ROBO2: variants seen among roughly 807,000 people sequenced by gnomAD.
ROBO2 encodes the protein roundabout guidance receptor 2.
Under a neutral mutation model 160.8 loss-of-function variants are expected in ROBO2, and 53 were observed. The ratio of observed to expected loss-of-function variants is 0.33; its 90% CI spans 0.26 to 0.41. The LOEUF (loss-of-function observed/expected upper bound fraction) is 0.41, where lower values mean the gene tolerates loss of function less well. Among genes scored for constraint, ROBO2 ranks in the 10% least tolerant of loss-of-function variants. The probability of loss-of-function intolerance (pLI) is 1.00; values close to 1 mark genes in which losing one functional copy is unlikely to be tolerated. For synonymous variants in ROBO2, 664 were observed against 611.7 expected, an observed-to-expected ratio of 1.09 and a Z score of -1.26; for missense variants, 1,577 against 1,722.4, an observed-to-expected ratio of 0.92 and a Z score of 1.49.
In ROBO2 at chr3:77,632,679, C is replaced by T. The variant is rs1387827306; in HGVS notation, c.3761-2191C>T. On this transcript the variant is annotated intron_variant, in intron 23 of 25. Transcript: ENST00000461745. ...CAGGTTGGTAGACTCCAAGTCAACA[C>T]TCTTTGCATGAGAGAATCTTGTCCT... The T allele has an allele frequency of 3.3e-6, 5 of 1,519,476 alleles. No homozygotes were observed. The South Asian group carries it at 3.7e-5, about 11-fold the overall frequency. 94.1% of individuals were successfully genotyped at this position (1,519,476 alleles called of 1,614,324 possible). A position where few individuals can be genotyped will look rare whatever the true frequency, so the allele number is the denominator to read the frequency against.
At chr3:77,407,128 CT>C (rs931491199) in intron 2 of ROBO2, among the ~76,000 whole-genome samples, 1 of 152,050 alleles carries the variant, frequency 6.6e-6, no homozygotes, top group Non-Finnish European at 1.5e-5. Context: ...GGCAATAATT[CT>C]TTTTTATGTT....
At chr3:77,062,803 G>A (rs1359760271) in intron 1 of ROBO2, among the ~76,000 whole-genome samples, 1 of 152,118 alleles carries the variant, frequency 6.6e-6, no homozygotes, top group Non-Finnish European at 1.5e-5. Context: ...TGATTGATTT[G>A]AGTGGAAAAT....
At chr3:76,479,241 C>G (rs2107281636) in intron 2 of ROBO2, among the ~76,000 whole-genome samples, 1 of 152,236 alleles carries the variant, frequency 6.6e-6, no homozygotes, top group South Asian at 2.1e-4. Flanking sequence ...GCTGGGAATT[C>G]TATAACGTTA....
At chr3:77,361,779 A>T (rs866574852) in intron 2 of ROBO2, among the ~76,000 whole-genome samples, 3 of 152,150 alleles carry the variant, frequency 2.0e-5, no homozygotes, top group African/African-American at 7.2e-5. Context: ...TTTTGGAGGG[A>T]CATGAACATT....
chr3:77,148,293 T>A (rs972814211), intron 2 of ROBO2, among the ~76,000 whole-genome samples: 6 of 152,224 alleles, frequency 3.9e-5, no homozygotes, highest in African/African-American at 1.4e-4. Context: ...GGGGCTTTAA[T>A]AGCACAATAT....
intron 2 of ROBO2, among the ~76,000 whole-genome samples, chr3:76,638,684 A>G (rs2090469288): frequency 6.6e-6 from 1 of 152,162 alleles, no homozygotes; most frequent in Non-Finnish European, 1.5e-5. Context: ...TATTTTTTAA[A>G]AATTCAAAAT....
intron 2 of ROBO2, among the ~76,000 whole-genome samples, chr3:77,356,701 AATGATACC>A (rs1437567435): frequency 6.6e-6 from 1 of 152,296 alleles, no homozygotes; most frequent in African/African-American, 2.4e-5. Flanking sequence ...ATATGCAAGG[AATGATACC>A]ATACAGTCTC....
rs2092702534 is a variant in ROBO2 at position 77,546,483 on chromosome 3, C to A, written c.1059+21C>A. ...GCCAGGTGAGTGTGAGGCTTCACTG[C>A]TTTTCTGAAATCTCTGAACTTCTAC... On this transcript the variant is annotated intron_variant, in intron 7 of 25. Transcript: ENST00000461745. The A allele has an allele frequency of 1.9e-6, 3 of 1,612,576 alleles. No homozygotes were observed. In the East Asian group the frequency reaches 6.7e-5, roughly 36 times the overall value.
chr3:77,269,643 A>G (rs1465193280), intron 2 of ROBO2, among the ~76,000 whole-genome samples: 1 of 152,176 alleles, frequency 6.6e-6, no homozygotes, highest in African/African-American at 2.4e-5. Flanking sequence ...TTGCCTATAA[A>G]AAGGAACCAA....
chr3:76,222,390 G>C (rs1344995912), intron 2 of ROBO2, among the ~76,000 whole-genome samples: 1 of 152,176 alleles, frequency 6.6e-6, no homozygotes, highest in African/African-American at 2.4e-5. Flanking sequence ...CCAAGTGGGT[G>C]ACTTGAAAGA....
chr3:77,332,133 T>C (rs1371691743), intron 2 of ROBO2, among the ~76,000 whole-genome samples: 2 of 152,222 alleles, frequency 1.3e-5, no homozygotes, highest in Admixed American at 6.5e-5. Flanking sequence ...GAATGTCTAT[T>C]CAGATAACGA....
At chr3:76,428,489 G>A (rs555382149) in intron 2 of ROBO2, among the ~76,000 whole-genome samples, 3 of 152,106 alleles carry the variant, frequency 2.0e-5, no homozygotes. Flanking sequence ...TAAAGATTGT[G>A]TAGATTTTCA....
At chr3:77,647,188 G>C (rs2095418318) in exon 26 of ROBO2, 1 of 152,404 alleles carries the variant, frequency 6.6e-6, no homozygotes, top group South Asian at 2.1e-4. Context: ...AGAGGATAGA[G>C]CTGCATCACT....
chr3:76,507,967 T>A (rs1313949266), intron 2 of ROBO2, among the ~76,000 whole-genome samples: 2 of 152,190 alleles, frequency 1.3e-5, no homozygotes, highest in Non-Finnish European at 2.9e-5. Flanking sequence ...GGTTGTATAA[T>A]GAACACTCCT....
At chr3:77,509,339 C>T (rs2089056237) in intron 5 of ROBO2, among the ~76,000 whole-genome samples, 1 of 152,028 alleles carries the variant, frequency 6.6e-6, no homozygotes, top group Non-Finnish European at 1.5e-5. Context: ...TCTTGTCTTC[C>T]CCAGCTTAAC....
At chr3:77,207,896 G>A (rs1241142394) in intron 2 of ROBO2, among the ~76,000 whole-genome samples, 1 of 152,086 alleles carries the variant, frequency 6.6e-6, no homozygotes, top group East Asian at 1.9e-4. Flanking sequence ...AAAACGCGTG[G>A]GCACTAAAGA....
At chr3:76,141,157 CTCTATATA>C (rs1462822412) in intron 2 of ROBO2, among the ~76,000 whole-genome samples, 12 of 17,950 alleles carry the variant, frequency 6.7e-4, no homozygotes, top group African/African-American at 1.2e-3. Context: ...CTCTCTCTCT[CTCTATATA>C]TATATATATA....
At chr3:77,011,760 C>T (rs991659907) in intron 2 of ROBO2, among the ~76,000 whole-genome samples, 2 of 151,948 alleles carry the variant, frequency 1.3e-5, no homozygotes, top group East Asian at 3.9e-4. Context: ...GTTAATTGCC[C>T]CTTTGTTATG....
intron 2 of ROBO2, among the ~76,000 whole-genome samples, chr3:76,352,955 C>A (rs1232483980): frequency 6.6e-6 from 1 of 151,980 alleles, no homozygotes; most frequent in African/African-American, 2.4e-5. Context: ...AGGTGTAGAA[C>A]AACTTGTTAA....
Sources: allele counts gnomAD v4.1 joint callset (sites outside exome capture counted in the v4.1 genomes callset), GRCh38; gene constraint gnomAD v4.1.1; transcripts MANE v1.5; gene names NCBI Gene and HGNC (gene_info 2026-07-23, HGNC 2026-07-21).